The following NPLOC4 variants were observed in gnomAD, a reference collection of about 807,000 sequenced individuals.
NPLOC4 encodes nuclear protein localization protein 4 homolog.
Under a neutral mutation model 80.6 loss-of-function variants are expected in NPLOC4, and 18 were observed. The ratio of observed to expected loss-of-function variants is 0.22; its 90% CI spans 0.15 to 0.33. The LOEUF is 0.33. NPLOC4 is among the 10% of genes least tolerant of loss of function. The probability of loss-of-function intolerance (pLI) is 1.00; values close to 1 mark genes in which losing one functional copy is unlikely to be tolerated. For missense variants in NPLOC4, 540 were observed against 786.1 expected (o/e 0.69, Z 3.74); for synonymous variants, 313 against 301.5 (o/e 1.04, Z -0.39).
At chr17:81,595,059 TTTTA>T (rs1310150350) in intron 11 of NPLOC4, among the ~76,000 whole-genome samples, 2 of 152,144 alleles carry the variant, frequency 1.3e-5, no homozygotes, top group African/African-American at 2.4e-5. Context: ...TTTCCAAATG[TTTTA>T]TTTATTTATT....
chr17:81,597,174 C>A, intron 10 of NPLOC4, 71 bp downstream of exon 10: 1 of 1,096,016 alleles, frequency 9.1e-7, no homozygotes. Context: ...CAAAGAGACC[C>A]TGATAATGCA....
intron 11 of NPLOC4, among the ~76,000 whole-genome samples, chr17:81,595,768 T>C (rs529363258): frequency 7.2e-4 from 109 of 152,186 alleles, no homozygotes; most frequent in Non-Finnish European, 1.3e-3. Flanking sequence ...GATCTCGAAC[T>C]CCTGACCTCA....
intron 12 of NPLOC4, among the ~76,000 whole-genome samples, chr17:81,581,343 C>A (rs2034432820): frequency 3.4e-5 from 2 of 58,878 alleles, no homozygotes; most frequent in Admixed American, 3.4e-4. Context: ...AGCCAGACTC[C>A]AACGCAAAAA....
At chr17:81,619,175 G>T (rs1422762652) in intron 3 of NPLOC4, among the ~76,000 whole-genome samples, 1 of 149,294 alleles carries the variant, frequency 6.7e-6, no homozygotes, top group African/African-American at 2.5e-5. Flanking sequence ...ATCCCCCTCT[G>T]CGAGAAACAC....
In NPLOC4 at chr17:81,577,088, G is replaced by A. The variant is rs1479027699; in HGVS notation, c.1282-5000C>T. Among the ~76,000 whole-genome samples the A allele has an allele frequency of 6.6e-6, 1 of 152,178 alleles. No individual in the cohort carries two copies. The highest frequency in any genetic ancestry group is 1.5e-5 in the Non-Finnish European group (1 of 68,034). On this transcript the variant is annotated intron_variant, in intron 12 of 16. Transcript: ENST00000331134. The surrounding 1 kb of genome is among the most constrained non-coding windows in gnomAD (Gnocchi z 4.3). ...ATGCCAACAAACCCCACGGCCTGCT[G>A]AGTAAGCAATGCCTGGCCACAGCAA...
chr17:81,630,541 T>C (rs1044218231), intron 1 of NPLOC4, among the ~76,000 whole-genome samples: 6 of 152,122 alleles, frequency 3.9e-5, no homozygotes, highest in African/African-American at 1.2e-4. Flanking sequence ...GTGCTGGGAT[T>C]ACAGGTGTGA....
chr17:81,613,931 G>C lies in NPLOC4; in HGVS notation c.210-437C>G, dbSNP rs190681325. 3.9e-5 allele frequency among the ~76,000 whole-genome samples: 6 copies of C among 151,992 alleles called. No homozygotes were observed. In the South Asian group the frequency reaches 1.2e-3, roughly 32 times the overall value. ...CATGTATCTCCACTGCTTTCTCGGC[G>C]TTCACATACACACGTAAGCACAGAC... is the stretch of plus-strand genomic sequence containing the variant. On this transcript the variant is annotated intron_variant, in intron 3 of 16. Transcript: ENST00000331134.
chr17:81,586,197 T>G (rs1236087210), intron 12 of NPLOC4, among the ~76,000 whole-genome samples: 1 of 152,110 alleles, frequency 6.6e-6, no homozygotes, highest in Non-Finnish European at 1.5e-5. Context: ...GGAAAGCCCC[T>G]TCCCTCCCCT....
At chr17:81,621,099 G>GA (rs2035653240) in intron 3 of NPLOC4, among the ~76,000 whole-genome samples, 1 of 137,618 alleles carries the variant, frequency 7.3e-6, no homozygotes, top group South Asian at 2.3e-4. Flanking sequence ...CTTCAAGAAA[G>GA]AAAGAAAAGG....
At chr17:81,601,953 C>A (rs1418027678) in intron 8 of NPLOC4, among the ~76,000 whole-genome samples, 1 of 152,068 alleles carries the variant, frequency 6.6e-6, no homozygotes, top group Non-Finnish European at 1.5e-5. Flanking sequence ...GCCTCCCAGG[C>A]AGGTTATCTA....
At position 81,613,307 on chromosome 17, in the gene NPLOC4, G is replaced by C; in HGVS notation, c.386+11C>G. On this transcript the variant is annotated intron_variant, in intron 4 of 16. Transcript: ENST00000331134. ...CACAAGTAGGACCCTGGAATCTCAT[G>C]GATCACTTACAGCTGTGGGTCTCGG... The C allele has an allele frequency of 6.2e-7, 1 of 1,607,048 alleles. No homozygotes were observed. Among genetic ancestry groups the C allele is most frequent in the Non-Finnish European group, 8.5e-7 (1 of 1,176,716 alleles).
chr17:81,566,013 T>G, intron 15 of NPLOC4, among the ~76,000 whole-genome samples: 1 of 152,164 alleles, frequency 6.6e-6, no homozygotes, highest in East Asian at 1.9e-4. Flanking sequence ...CTCTCTATCC[T>G]AGCCTTCCGA....
In NPLOC4 at chr17:81,582,759, A is replaced by G. The variant is rs150310952; in HGVS notation, c.1281+6185T>C. 1.6e-4 allele frequency among the ~76,000 whole-genome samples: 25 copies of G among 152,390 alleles called. No individual in the cohort carries two copies. The East Asian group carries it at 4.4e-3, about 27-fold the overall frequency. ...AGACAGTCAAGCGCCTCCTGGCTGTACAACAGTCTACGAGTGTGAGTCTTG... is the reference window on the plus strand; with the variant it reads ...AGACAGTCAAGCGCCTCCTGGCTGTGCAACAGTCTACGAGTGTGAGTCTTG... On this transcript the variant is annotated intron_variant, in intron 12 of 16. Transcript: ENST00000331134.
chr17:81,559,188 C>T lies in NPLOC4; in HGVS notation c.*71G>A. On this transcript the variant is annotated 3_prime_UTR_variant, in exon 17 of 17. Transcript: ENST00000331134. ...CACTATGGGGCAGTTACAGGGAACA[C>T]ACTCAGCAACGCTTCTGGCTTCAGG... 1.3e-6 allele frequency: 2 copies of T among 1,485,266 alleles called. No individual in the cohort carries two copies. Among genetic ancestry groups the T allele is most frequent in the Non-Finnish European group, 9.0e-7 (1 of 1,109,230 alleles). 92.0% of individuals were successfully genotyped at this position (1,485,266 alleles called of 1,614,324 possible).
intron 2 of NPLOC4, among the ~76,000 whole-genome samples, chr17:81,623,581 G>A (rs1191127439): frequency 2.6e-5 from 4 of 151,114 alleles, no homozygotes; most frequent in African/African-American, 7.3e-5. Flanking sequence ...GGCGGATCAT[G>A]AGGTCAGGAG....
intron 3 of NPLOC4, among the ~76,000 whole-genome samples, chr17:81,615,405 G>A (rs550886463): frequency 2.7e-4 from 41 of 152,128 alleles, no homozygotes; most frequent in African/African-American, 8.2e-4. Flanking sequence ...CAGCCGAGAC[G>A]TCTGTTTCTA....
At chr17:81,625,569 G>A (rs1410473527) in intron 2 of NPLOC4, among the ~76,000 whole-genome samples, 2 of 152,184 alleles carry the variant, frequency 1.3e-5, no homozygotes, top group African/African-American at 2.4e-5. Context: ...GCAGAAGGGA[G>A]AGAGCAGAAG....
At chr17:81,564,074 C>G in intron 16 of NPLOC4, 1 of 273,496 alleles carries the variant, frequency 3.7e-6, no homozygotes, top group South Asian at 2.2e-5. Context: ...GGGTGAGGCT[C>G]CAGCTCAAAA....
intron 3 of NPLOC4, among the ~76,000 whole-genome samples, chr17:81,621,615 G>T (rs1296654196): frequency 6.6e-6 from 1 of 152,200 alleles, no homozygotes; most frequent in East Asian, 1.9e-4. Flanking sequence ...AGGCCTCACG[G>T]TCTATCACAA....
Sources: gnomAD v4.1 joint callset for allele counts (sites outside exome capture counted in the v4.1 genomes callset) on GRCh38, gnomAD v4.1.1 for gene constraint, Gnocchi (gnomAD v3.1) non-coding constraint, MANE v1.5 for transcripts, NCBI Gene and HGNC (gene_info 2026-07-23, HGNC 2026-07-21) for gene names.